Variants in COL4A1 observed in about 807,000 individuals in gnomAD.
COL4A1 encodes the protein collagen type IV alpha 1 chain, also known as collagen alpha-1(IV) chain.
In COL4A1, 40 loss-of-function variants were observed where a neutral mutation model predicts 216.6. The observed-to-expected ratio is 0.18, with a 90% CI of 0.14 to 0.24. COL4A1 has a LOEUF of 0.24. COL4A1 is among the 10% of genes least tolerant of loss of function. COL4A1 has a pLI of 1.00. For synonymous variants in COL4A1, 839 were observed against 810.7 expected (o/e 1.03, Z -0.59); for missense variants, 1,628 against 2,196.8 (o/e 0.74, Z 5.18).
intron 26 of COL4A1, among the ~76,000 whole-genome samples, chr13:110,184,175 C>T (rs558127575): frequency 2.9e-4 from 44 of 152,240 alleles, no homozygotes; most frequent in South Asian, 1.7e-3. Context: ...CTCTGGATGG[C>T]CAAGGAGCCC....
chr13:110,237,788 G>T (rs575665899), intron 2 of COL4A1, among the ~76,000 whole-genome samples: 1 of 152,324 alleles, frequency 6.6e-6, no homozygotes, highest in East Asian at 1.9e-4. Flanking sequence ...TTATACAAAG[G>T]TGTGACATGG....
intron 2 of COL4A1, among the ~76,000 whole-genome samples, chr13:110,217,221 A>G (rs2139211296): frequency 6.6e-6 from 1 of 152,376 alleles, no homozygotes; most frequent in African/African-American, 2.4e-5. Context: ...ACCAGCATGC[A>G]GTATGGGGCC....
At chr13:110,154,801 G>GGA (rs1876698767) in intron 50 of COL4A1, among the ~76,000 whole-genome samples, 44 of 73,190 alleles carry the variant, frequency 6.0e-4, no homozygotes, top group Non-Finnish European at 8.3e-4. Context: ...GCTCAAAGAT[G>GGA]GAAGCTGGTC....
intron 1 of COL4A1, among the ~76,000 whole-genome samples, chr13:110,269,606 C>T (rs143638401): frequency 1.3e-5 from 2 of 152,166 alleles, no homozygotes; most frequent in African/African-American, 4.8e-5. Flanking sequence ...GCATCTGGAA[C>T]TGGGTCTCTG....
intron 26 of COL4A1, 117 bp downstream of exon 26, chr13:110,186,268 C>G (rs1023524444): frequency 1.3e-5 from 17 of 1,327,014 alleles, no homozygotes; most frequent in Non-Finnish European, 1.8e-5. Context: ...CTGGAAGAAT[C>G]AAAGCCAAGT....
At chr13:110,166,559 C>A (rs1046898584) in intron 44 of COL4A1, among the ~76,000 whole-genome samples, 1 of 152,166 alleles carries the variant, frequency 6.6e-6, no homozygotes, top group African/African-American at 2.4e-5. Flanking sequence ...AGACAGTGAA[C>A]AAATTTCCAA....
At position 110,222,771 on chromosome 13, in the gene COL4A1, T is replaced by TAAAAAAAAAAAA. The variant is rs751501177; in HGVS notation, c.145-8757_145-8756insTTTTTTTTTTTT. Among the ~76,000 whole-genome samples, 471 of 93,334 alleles carry TAAAAAAAAAAAA rather than the reference T, an allele frequency of 5.0e-3. 67 individuals carry two copies. Among genetic ancestry groups the TAAAAAAAAAAAA allele is most frequent in the Non-Finnish European group, 5.7e-3 (265 of 46,510 alleles). The allele number at this position is 93,334 out of a possible 152,430, so 61.2% of individuals were successfully genotyped here. ...CTGGGCGACAGAGCCAGACTCTGCT[T>TAAAAAAAAAAAA]TAAAAAAAAAAAAAAAAAAAAAAAA... On this transcript the variant is annotated intron_variant, in intron 2 of 51. Coordinates refer to ENST00000375820, the MANE Select transcript of COL4A1 (RefSeq NM_001845.6).
chr13:110,289,037 C>CA (rs200891357), intron 1 of COL4A1, among the ~76,000 whole-genome samples: 3,533 of 148,682 alleles, frequency 0.024, 84 homozygotes, highest in South Asian at 0.071. Context: ...GACCCCATCT[C>CA]AAAAAAAAAA....
intron 28 of COL4A1, among the ~76,000 whole-genome samples, chr13:110,182,267 C>G (rs1878198079): frequency 6.6e-6 from 1 of 152,222 alleles, no homozygotes; most frequent in Non-Finnish European, 1.5e-5. Flanking sequence ...GTTCTCCAAG[C>G]TAGCAGCCTA....
At chr13:110,225,472 AC>A (rs1257514345) in intron 2 of COL4A1, among the ~76,000 whole-genome samples, 1 of 152,198 alleles carries the variant, frequency 6.6e-6, no homozygotes, top group African/African-American at 2.4e-5. Flanking sequence ...AATCTCAGCT[AC>A]TTGGGAGGCT....
intron 20 of COL4A1, among the ~76,000 whole-genome samples, chr13:110,199,197 G>C (rs3825475): frequency 0.15 from 22,490 of 152,230 alleles, 1,869 homozygotes; most frequent in East Asian, 0.29. Flanking sequence ...CCGGACGCAG[G>C]GCTTGAGAGA....
intron 1 of COL4A1, among the ~76,000 whole-genome samples, chr13:110,247,687 C>T (rs561669804): frequency 6.6e-6 from 1 of 151,718 alleles, no homozygotes; most frequent in Non-Finnish European, 1.5e-5. Context: ...CTCAAGATTA[C>T]AGTGAATTCC....
chr13:110,212,876 A>G (rs565069417), intron 4 of COL4A1, among the ~76,000 whole-genome samples: 14 of 152,318 alleles, frequency 9.2e-5, no homozygotes, highest in African/African-American at 3.4e-4. Context: ...CTAAGTACCT[A>G]CCAACCAACG....
intron 1 of COL4A1, among the ~76,000 whole-genome samples, chr13:110,291,547 G>A (rs992397694): frequency 3.3e-5 from 5 of 152,192 alleles, no homozygotes; most frequent in African/African-American, 7.2e-5. Flanking sequence ...GGCTGGCCAC[G>A]TGGCAGGGAC....
At chr13:110,165,581 A>C (rs1566343105) in intron 45 of COL4A1, among the ~76,000 whole-genome samples, 7 of 128,216 alleles carry the variant, frequency 5.5e-5, no homozygotes, top group Admixed American at 1.6e-4. Context: ...CCTTCCACAC[A>C]CCCTCCCTCA....
rs1878441933 is a variant in COL4A1 at position 110,187,204 on chromosome 13, C to T, written c.1662G>A (p.Met554Ile). Reference sequence around the variant, plus strand: ...TTCCAGGAGAACCCGCTCTCCCTGGCATGCCGGGCTGTCCTGGAAAGCCTG... The same window carrying T: ...TTCCAGGAGAACCCGCTCTCCCTGGTATGCCGGGCTGTCCTGGAAAGCCTG... ...GDPGFPGQPG[M>I]PGRAGSPGRD... Residue 554 changes from methionine (M) to isoleucine (I), a missense_variant, in exon 25 of 52, where the codon ATG becomes ATA. Around this residue, in one of 8 missense-constraint regions of COL4A1, gnomAD observed 701 missense variants for 892.5 expected, o/e 0.79. Coordinates refer to ENST00000375820, the MANE Select transcript of COL4A1 (RefSeq NM_001845.6). 1 of 1,613,882 alleles carries T rather than the reference C, an allele frequency of 6.2e-7. No individual in the cohort carries two copies. The highest frequency in any genetic ancestry group is 1.3e-5 in the African/African-American group (1 of 74,916).
chr13:110,226,804 T>C (rs1473641881), intron 2 of COL4A1, among the ~76,000 whole-genome samples: 1 of 152,254 alleles, frequency 6.6e-6, no homozygotes, highest in Non-Finnish European at 1.5e-5. Flanking sequence ...AGCCAACATC[T>C]TGAAGTTTTT....
intron 2 of COL4A1, among the ~76,000 whole-genome samples, chr13:110,230,874 G>C (rs935911943): frequency 6.6e-6 from 1 of 152,210 alleles, no homozygotes; most frequent in East Asian, 1.9e-4. Flanking sequence ...CAGGGCTCCT[G>C]ATGTGTGGTC....
intron 1 of COL4A1, among the ~76,000 whole-genome samples, chr13:110,281,959 A>G (rs1471801707): frequency 6.6e-6 from 1 of 152,216 alleles, no homozygotes; most frequent in African/African-American, 2.4e-5. Context: ...TGCCTGAAAC[A>G]CAACAGCTCC....
Sources: gnomAD v4.1 joint callset for allele counts (sites outside exome capture counted in the v4.1 genomes callset) on GRCh38, gnomAD v4.1.1 for gene constraint, gnomAD v4.1.1 regional missense constraint, MANE v1.5 for transcripts, NCBI Gene and HGNC (gene_info 2026-07-23, HGNC 2026-07-21) for gene names.